The following KCNQ5 variants were observed in gnomAD, a reference collection of about 807,000 sequenced individuals.
KCNQ5 encodes potassium voltage-gated channel subfamily KQT member 5.
In KCNQ5, 30 loss-of-function variants were observed where a neutral mutation model predicts 98.2. The ratio of observed to expected loss-of-function variants is 0.31; its 90% CI spans 0.23 to 0.41. The LOEUF (loss-of-function observed/expected upper bound fraction) is 0.41. Among genes scored for constraint, KCNQ5 ranks in the 10% least tolerant of loss-of-function variants. The pLI is 1.00. For missense variants in KCNQ5, 835 were observed against 1,182.5 expected (o/e 0.71, Z 4.31); for synonymous variants, 458 against 449.4 (o/e 1.02, Z -0.24).
intron 3 of KCNQ5, among the ~76,000 whole-genome samples, chr6:73,053,118 T>C (rs1394614831): frequency 6.6e-6 from 1 of 151,946 alleles, no homozygotes; most frequent in African/African-American, 2.4e-5. Context: ...CAAAACAGAC[T>C]TTAAACCAAC....
intron 11 of KCNQ5, among the ~76,000 whole-genome samples, chr6:73,171,938 T>C (rs1428485326): frequency 6.6e-6 from 1 of 152,194 alleles, no homozygotes; most frequent in African/African-American, 2.4e-5. Context: ...CTTTACAACC[T>C]ATAAAAAGGA....
At chr6:73,189,231 C>T (rs1765499869) in intron 11 of KCNQ5, among the ~76,000 whole-genome samples, 1 of 152,024 alleles carries the variant, frequency 6.6e-6, no homozygotes, top group Non-Finnish European at 1.5e-5. Flanking sequence ...TCTTTACTTT[C>T]TGCTGAATAA....
intron 1 of KCNQ5, among the ~76,000 whole-genome samples, chr6:72,702,499 A>G (rs1182064644): frequency 6.6e-6 from 1 of 152,180 alleles, no homozygotes; most frequent in African/African-American, 2.4e-5. Context: ...AAGTGCCTGG[A>G]ATGTTGGAAT....
At chr6:73,168,708 T>TC (rs1777896845) in intron 10 of KCNQ5, among the ~76,000 whole-genome samples, 2 of 150,752 alleles carry the variant, frequency 1.3e-5, no homozygotes, top group South Asian at 4.2e-4. Flanking sequence ...CAAGACTTTT[T>TC]CTCAAAAAAA....
intron 11 of KCNQ5, among the ~76,000 whole-genome samples, chr6:73,188,024 A>C (rs1261466532): frequency 3.9e-5 from 6 of 152,278 alleles, no homozygotes; most frequent in Middle Eastern, 3.4e-3. Context: ...CAAACCACAA[A>C]TGTGTGAGCT....
rs564273877 is a variant in KCNQ5, at chr6:72,899,542, A to G, written c.399-104366A>G. On this transcript the variant is annotated intron_variant, in intron 1 of 13. Transcript: ENST00000370398. ...GCACTGTGTAAAATTTTTATCTCAA[A>G]TTTAATTATTTTGATAATAAAATAT... Among the ~76,000 whole-genome samples, 92 of 152,304 alleles carry G rather than the reference A, an allele frequency of 6.0e-4. 1 individual carries two copies. Among genetic ancestry groups the G allele is most frequent in the African/African-American group, 2.2e-3 (90 of 41,590 alleles).
chr6:72,825,884 G>T lies in KCNQ5; in HGVS notation c.399-178024G>T, dbSNP rs148747159. 7.3e-3 allele frequency among the ~76,000 whole-genome samples: 1,105 copies of T among 152,184 alleles called. 16 individuals carry two copies. Among genetic ancestry groups the T allele is most frequent in the African/African-American group, 0.024 (995 of 41,554 alleles). On this transcript the variant is annotated intron_variant, in intron 1 of 13. Coordinates refer to ENST00000370398, the MANE Select transcript of KCNQ5 (RefSeq NM_019842.4). The stretch of plus-strand genomic sequence containing the variant: ...GTCATGGAATGTTTTATGTTTAAAT[G>T]AAGAGAGAAAACTTTAATCAGATTA...
chr6:72,749,634 A>T (rs1425053086), intron 1 of KCNQ5, among the ~76,000 whole-genome samples: 4 of 152,132 alleles, frequency 2.6e-5, no homozygotes, highest in Non-Finnish European at 4.4e-5. Context: ...ACAGGGAAAT[A>T]GTCCAATCAT....
intron 2 of KCNQ5, among the ~76,000 whole-genome samples, chr6:73,029,189 C>T (rs1771024823): frequency 1.3e-5 from 2 of 152,144 alleles, no homozygotes; most frequent in East Asian, 1.9e-4. Context: ...CAGTAGGAGT[C>T]ATCTCTATCA....
chr6:72,927,646 A>T (rs1316608423), intron 1 of KCNQ5, among the ~76,000 whole-genome samples: 1 of 152,122 alleles, frequency 6.6e-6, no homozygotes, highest in East Asian at 1.9e-4. Flanking sequence ...TTTAAAGATC[A>T]TGATATAAGT....
chr6:73,194,783 G>T lies in KCNQ5; in HGVS notation c.2168G>T (p.Gly723Val). The T allele has an allele frequency of 6.2e-7, 1 of 1,614,188 alleles. No homozygotes were observed. Among genetic ancestry groups the T allele is most frequent in the South Asian group, 1.1e-5 (1 of 91,084 alleles). ...ATQVPISQSD[G>V]SAVAATNTIA... ...CAGGTGCCAATTAGTCAAAGCGATG[G>T]CTCAGCAGTGGCAGCCACCAACACC... Residue 723 changes from glycine (G) to valine (V), a missense_variant, in exon 14 of 14, where the codon GGC (glycine) becomes GTC (valine). Physicochemically the swap from Gly to Val is moderately radical, Grantham distance 109. Coordinates refer to ENST00000370398, the MANE Select transcript of KCNQ5 (RefSeq NM_019842.4).
At chr6:72,745,802 T>G (rs1043100393) in intron 1 of KCNQ5, among the ~76,000 whole-genome samples, 6 of 152,152 alleles carry the variant, frequency 3.9e-5, no homozygotes, top group Non-Finnish European at 8.8e-5. Context: ...AAGGTCATAT[T>G]CTTTCTGAAG....
At chr6:73,042,545 T>C (rs1003221427) in intron 3 of KCNQ5, among the ~76,000 whole-genome samples, 2 of 152,232 alleles carry the variant, frequency 1.3e-5, no homozygotes, top group Non-Finnish European at 2.9e-5. Flanking sequence ...GTACTGGTAA[T>C]GCATATCAAT....
At chr6:72,964,598 C>T (rs151280565) in intron 1 of KCNQ5, among the ~76,000 whole-genome samples, 5 of 152,054 alleles carry the variant, frequency 3.3e-5, no homozygotes, top group Non-Finnish European at 7.4e-5. Context: ...AACAGCAATA[C>T]CATTCTTTGC....
At chr6:73,082,222 G>A (rs960783037) in intron 5 of KCNQ5, among the ~76,000 whole-genome samples, 1 of 152,204 alleles carries the variant, frequency 6.6e-6, no homozygotes, top group Non-Finnish European at 1.5e-5. Context: ...CCTGCAGCCT[G>A]AAAAGGCAGC....
intron 5 of KCNQ5, among the ~76,000 whole-genome samples, chr6:73,099,822 C>T (rs948715983): frequency 5.9e-5 from 9 of 152,156 alleles, no homozygotes; most frequent in African/African-American, 1.9e-4. Context: ...GCACAATAGA[C>T]CAAATGGACC....
chr6:72,841,252 C>G (rs1297525999), intron 1 of KCNQ5, among the ~76,000 whole-genome samples: 3 of 152,046 alleles, frequency 2.0e-5, no homozygotes, highest in Non-Finnish European at 2.9e-5. Flanking sequence ...GACTATGAAC[C>G]CTTAATGGTG....
chr6:72,923,484 A>G (rs1582024521), intron 1 of KCNQ5, among the ~76,000 whole-genome samples: 1 of 152,164 alleles, frequency 6.6e-6, no homozygotes, highest in East Asian at 1.9e-4. Context: ...CCTGATGATT[A>G]GTGATGCTAA....
intron 5 of KCNQ5, among the ~76,000 whole-genome samples, chr6:73,102,170 G>C (rs1052653401): frequency 6.6e-6 from 1 of 152,092 alleles, no homozygotes; most frequent in Non-Finnish European, 1.5e-5. Context: ...TTCAATAAAA[G>C]GTGCTGGAGA....
Sources: gnomAD v4.1 joint callset for allele counts (sites outside exome capture counted in the v4.1 genomes callset) on GRCh38, gnomAD v4.1.1 for gene constraint, MANE v1.5 for transcripts, NCBI Gene and HGNC (gene_info 2026-07-23, HGNC 2026-07-21) for gene names.